Variants in REL observed in about 807,000 individuals in gnomAD.
REL encodes proto-oncogene c-Rel.
In REL, 15 loss-of-function variants were observed where a neutral mutation model predicts 45.9. The ratio of observed to expected loss-of-function variants is 0.33; its 90% CI spans 0.22 to 0.50. The LOEUF is 0.50. Ranked by LOEUF, REL falls within the 20% of genes least tolerant of loss-of-function variation. The probability of loss-of-function intolerance (pLI) is 0.98; values close to 1 mark genes in which losing one functional copy is unlikely to be tolerated. For missense variants in REL, 601 were observed against 715.2 expected, an observed-to-expected ratio of 0.84 and a Z score of 1.82; for synonymous variants, 239 against 242.1, an observed-to-expected ratio of 0.99 and a Z score of 0.12.
chr2:60,897,548 T>TC lies in REL; in HGVS notation c.302+3005dup, dbSNP rs1274652704. ...GTCTCAAACTCGTGACCTCAGGTGA[T>TC]CCTCCTGCCTCAGCCTCCCGAAATG... On this transcript the variant is annotated intron_variant, in intron 3 of 9. Transcript: ENST00000394479. Among the ~76,000 whole-genome samples, 5 of 152,114 alleles carry TC rather than the reference T, an allele frequency of 3.3e-5. No individual in the cohort carries two copies. The South Asian group carries it at 8.3e-4, about 25-fold the overall frequency.
At chr2:60,914,671 T>C (rs1014085791) in intron 4 of REL, among the ~76,000 whole-genome samples, 2 of 152,174 alleles carry the variant, frequency 1.3e-5, no homozygotes, top group African/African-American at 4.8e-5. Flanking sequence ...ACCCTGCCTC[T>C]GCCTCAGGCA....
chr2:60,911,806 C>T (rs1255772320), intron 4 of REL, among the ~76,000 whole-genome samples: 1 of 151,826 alleles, frequency 6.6e-6, no homozygotes, highest in Non-Finnish European at 1.5e-5. Flanking sequence ...TGAGACCATC[C>T]TGGCCAAGAT....
Position 60,927,182 on chromosome 2 carries a change from G to A in REL, c.*4647G>A, listed in dbSNP as rs1053235858. The A allele has an allele frequency of 2.7e-5, 6 of 226,376 alleles. No homozygotes were observed. The highest frequency in any genetic ancestry group is 1.3e-4 in the African/African-American group (6 of 44,944). 14.0% of individuals were successfully genotyped at this position (226,376 alleles called of 1,614,324 possible). A position where few individuals can be genotyped will look rare whatever the true frequency, so the allele number is the denominator to read the frequency against. On this transcript the variant is annotated 3_prime_UTR_variant, in exon 10 of 10. Coordinates refer to ENST00000394479, the MANE Select transcript of REL (RefSeq NM_001291746.2). ...ACCCAGCATAGTCCCTAGTATACTA[G>A]TTGGTGCTGAATAAATAGTAGCTAT...
chr2:60,885,221 G>C lies in REL; in HGVS notation c.10+3371G>C, dbSNP rs72807471. ...CAACTTTCTCTCATATGGGTTCTCT[G>C]AAAATGATTTTGTTTGTAGGCACAT... On this transcript the variant is annotated intron_variant, in intron 1 of 9. Coordinates refer to ENST00000394479, the MANE Select transcript of REL (RefSeq NM_001291746.2). Among the ~76,000 whole-genome samples, 423 of 152,250 alleles carry C rather than the reference G, an allele frequency of 2.8e-3. 3 individuals are homozygous for C. Among genetic ancestry groups the C allele is most frequent in the Middle Eastern group, 0.014 (4 of 294 alleles).
chr2:60,910,924 T>G (rs1287544310), intron 4 of REL, among the ~76,000 whole-genome samples: 1 of 152,180 alleles, frequency 6.6e-6, no homozygotes, highest in African/African-American at 2.4e-5. Context: ...AGAGTGAGAC[T>G]CTGTCTCAAA....
At chr2:60,914,927 G>A (rs571143231) in intron 4 of REL, among the ~76,000 whole-genome samples, 3 of 149,798 alleles carry the variant, frequency 2.0e-5, no homozygotes, top group Admixed American at 1.3e-4. Context: ...TCTGCCTCTC[G>A]GGTTCACCAT....
intron 2 of REL, among the ~76,000 whole-genome samples, chr2:60,892,325 A>T (rs1398583290): frequency 6.6e-6 from 1 of 152,176 alleles, no homozygotes. Context: ...TTGAAATACC[A>T]CTTTATAAAT....
Position 60,924,104 on chromosome 2 carries a change from A to G in REL, c.*1569A>G, listed in dbSNP as rs574176202. The G allele has an allele frequency of 8.6e-6, 2 of 231,528 alleles. No individual in the cohort carries two copies. Among genetic ancestry groups the G allele is most frequent in the East Asian group, 1.2e-4 (2 of 16,370 alleles). The allele number at this position is 231,528 out of a possible 1,614,324, so 14.3% of individuals were successfully genotyped here. On this transcript the variant is annotated 3_prime_UTR_variant, in exon 10 of 10. Transcript: ENST00000394479. ...TCTGCCTTGAATGTTGTTCTCCCAG[A>G]AAAATGCATAGTTCACTCTTACATC... is the stretch of plus-strand genomic sequence containing the variant.
At position 60,925,431 on chromosome 2, in the gene REL, A is replaced by G. The variant is rs1193642915; in HGVS notation, c.*2896A>G. The G allele has an allele frequency of 5.4e-6, 1 of 186,870 alleles. No homozygotes were observed. The highest frequency in any genetic ancestry group is 2.3e-5 in the African/African-American group (1 of 42,726). The allele number at this position is 186,870 out of a possible 1,614,324, so 11.6% of individuals were successfully genotyped here. A position where few individuals can be genotyped will look rare whatever the true frequency, so the allele number is the denominator to read the frequency against. On this transcript the variant is annotated 3_prime_UTR_variant, in exon 10 of 10. Coordinates refer to ENST00000394479, the MANE Select transcript of REL (RefSeq NM_001291746.2). Reference sequence around the variant, plus strand: ...TGAGTACCATTAATATTCCTCAGAAATTATTATTTCAAAAGGAAATATTTC... The same window carrying G: ...TGAGTACCATTAATATTCCTCAGAAGTTATTATTTCAAAAGGAAATATTTC...
rs1251459916 is a variant in REL, at chr2:60,924,783, T to C, written c.*2248T>C. On this transcript the variant is annotated 3_prime_UTR_variant, in exon 10 of 10. Coordinates refer to ENST00000394479, the MANE Select transcript of REL (RefSeq NM_001291746.2). Reference sequence around the variant, plus strand: ...GAGACTTGTCACATATTCATTTGGCTGGTTTCAAATGGTGAGCTGAATGCT... The same window carrying C: ...GAGACTTGTCACATATTCATTTGGCCGGTTTCAAATGGTGAGCTGAATGCT... The C allele has an allele frequency of 9.7e-6, 2 of 206,550 alleles. No individual in the cohort carries two copies. Among genetic ancestry groups the C allele is most frequent in the African/African-American group, 2.3e-5 (1 of 43,930 alleles). 12.8% of individuals were successfully genotyped at this position (206,550 alleles called of 1,614,324 possible). A position where few individuals can be genotyped will look rare whatever the true frequency, so the allele number is the denominator to read the frequency against.
At position 60,891,962 on chromosome 2, in the gene REL, A is replaced by G. The variant is rs1673226984; in HGVS notation, c.153+137A>G. Reference sequence around the variant, plus strand: ...TTTCTTTTTTCCTTTTTTTTTTTAAACGGATCTGTCAAAAAGACATCTATT... The same window carrying G: ...TTTCTTTTTTCCTTTTTTTTTTTAAGCGGATCTGTCAAAAAGACATCTATT... On this transcript the variant is annotated intron_variant, in intron 2 of 9. Coordinates refer to ENST00000394479, the MANE Select transcript of REL (RefSeq NM_001291746.2). 16 of 816,132 alleles carry G rather than the reference A, an allele frequency of 2.0e-5. No homozygotes were observed. The East Asian group carries it at 4.7e-4, about 24-fold the overall frequency. 50.6% of individuals were successfully genotyped at this position (816,132 alleles called of 1,614,324 possible).
intron 4 of REL, among the ~76,000 whole-genome samples, chr2:60,906,654 T>A (rs898410820): frequency 2.6e-5 from 4 of 152,134 alleles, no homozygotes; most frequent in African/African-American, 7.2e-5. Flanking sequence ...CTATCTGCAC[T>A]GTTAGAAGAG....
rs778833186 is a variant in REL, at chr2:60,918,504, A to C, written c.751A>C (p.Lys251Gln). ...TGTTTTCAAAACTCCACCATATTGC[A>C]AAGCTATCACAGAACCCGTAACAGT... ...AIVFKTPPYC[K>Q]AITEPVTVKM... Residue 251 changes from lysine to glutamine, a missense_variant, in exon 7 of 10, where the codon AAA becomes CAA. Physicochemically the swap from Lys to Gln is moderately conservative, Grantham distance 53. Around this residue, in one of 4 missense-constraint regions of REL, gnomAD observed 241 missense variants for 347.0 expected, o/e 0.69. Coordinates refer to ENST00000394479, the MANE Select transcript of REL (RefSeq NM_001291746.2). 3.7e-6 allele frequency: 6 copies of C among 1,614,020 alleles called. No individual in the cohort carries two copies. In the South Asian group the frequency reaches 6.6e-5, roughly 18 times the overall value.
chr2:60,893,654 A>G (rs1673278182), intron 2 of REL, among the ~76,000 whole-genome samples: 1 of 152,188 alleles, frequency 6.6e-6, no homozygotes, highest in Non-Finnish European at 1.5e-5. Flanking sequence ...TTCAAATTCT[A>G]TTTAAATTCA....
intron 7 of REL, among the ~76,000 whole-genome samples, chr2:60,919,245 T>G (rs1177943867): frequency 1.3e-5 from 2 of 151,624 alleles, no homozygotes; most frequent in South Asian, 2.1e-4. Flanking sequence ...TTGTTTTGGG[T>G]TTTTTTTGAG....
intron 1 of REL, 112 bp downstream of exon 1, chr2:60,881,962 T>A: frequency 1.5e-6 from 1 of 653,780 alleles, no homozygotes; most frequent in Non-Finnish European, 2.3e-6. Flanking sequence ...GTTCTGTCTT[T>A]AAAATCTCAT....
In REL at chr2:60,929,168, A is replaced by G. The variant is rs1386915663; in HGVS notation, c.*6633A>G. ...ATGGCAATCATTAAAAAGTCAGGAGACAACAGGTGCTGGAGAGGATGTGGA... is the reference window on the plus strand; with the variant it reads ...ATGGCAATCATTAAAAAGTCAGGAGGCAACAGGTGCTGGAGAGGATGTGGA... On this transcript the variant is annotated 3_prime_UTR_variant, in exon 10 of 10. Coordinates refer to ENST00000394479, the MANE Select transcript of REL (RefSeq NM_001291746.2). 6.6e-6 allele frequency: 1 copy of G among 151,284 alleles called. No individual in the cohort carries two copies. Among genetic ancestry groups the G allele is most frequent in the Non-Finnish European group, 1.5e-5 (1 of 67,660 alleles). 9.4% of individuals were successfully genotyped at this position (151,284 alleles called of 1,614,324 possible).
rs1674219869 is a variant in REL, at chr2:60,924,330, T to A, written c.*1795T>A. The stretch of plus-strand genomic sequence containing the variant: ...GAAATTTTTGTGCTTTATTGTTGAA[T>A]CTCCAATTTGTAGAAAAATGCCTAC... On this transcript the variant is annotated 3_prime_UTR_variant, in exon 10 of 10. Transcript: ENST00000394479. 4.6e-6 allele frequency: 1 copy of A among 219,642 alleles called. No homozygotes were observed. The highest frequency in any genetic ancestry group is 1.8e-4 in the South Asian group (1 of 5,420). 13.6% of individuals were successfully genotyped at this position (219,642 alleles called of 1,614,324 possible).
intron 4 of REL, among the ~76,000 whole-genome samples, chr2:60,906,236 C>G (rs899915273): frequency 2.2e-4 from 33 of 152,144 alleles, no homozygotes; most frequent in African/African-American, 7.5e-4. Context: ...GAGTACAATT[C>G]AAGATGAGAT....
Sources: allele counts gnomAD v4.1 joint callset (sites outside exome capture counted in the v4.1 genomes callset), GRCh38; gene constraint gnomAD v4.1.1; regional missense constraint gnomAD v4.1.1; transcripts MANE v1.5; gene names NCBI Gene and HGNC (gene_info 2026-07-23, HGNC 2026-07-21).